TMEM79: variants seen among roughly 807,000 people sequenced by gnomAD.
TMEM79 encodes the protein mattrin.
TMEM79 carries 30 observed loss-of-function variants against 31.2 expected under a neutral mutation model. The observed-to-expected ratio is 0.96, with a 90% CI of 0.72 to 1.30. The LOEUF (loss-of-function observed/expected upper bound fraction) is 1.30. Ranked by LOEUF, TMEM79 falls within the 50% of genes most tolerant of loss-of-function variation. The pLI is 0.00. For synonymous variants in TMEM79, 213 were observed against 229.5 expected, an observed-to-expected ratio of 0.93 and a Z score of 0.65; for missense variants, 509 against 528.2, an observed-to-expected ratio of 0.96 and a Z score of 0.36.
At chr1:156,285,134 A>G in intron 1 of TMEM79, 50 bp from the exon 2 acceptor site, 5 of 1,460,228 alleles carry the variant, frequency 3.4e-6, no homozygotes, top group African/African-American at 2.8e-5. Context: ...ACCTGTCCTA[A>G]TAACTAGAAG....
chr1:156,286,007 G>T, intron 2 of TMEM79, 24 bp downstream of exon 2: 1 of 1,579,932 alleles, frequency 6.3e-7, no homozygotes, highest in African/African-American at 1.3e-5. Flanking sequence ...AAGAAAGGGG[G>T]CATCGGGAAG....
At chr1:156,291,172 TAAAG>T in intron 3 of TMEM79, 1 of 564,758 alleles carries the variant, frequency 1.8e-6, no homozygotes, top group African/African-American at 1.9e-5. Context: ...CTCAACTTCA[TAAAG>T]ATGTGGGGAA....
At chr1:156,290,107 C>A (rs1663274305) in intron 3 of TMEM79, 1 of 152,024 alleles carries the variant, frequency 6.6e-6, no homozygotes, top group African/African-American at 2.4e-5. Context: ...AATGAGAAAA[C>A]CATTTTTATA....
intron 3 of TMEM79, among the ~76,000 whole-genome samples, chr1:156,287,358 G>A (rs1663196724): frequency 6.6e-6 from 1 of 152,194 alleles, no homozygotes; most frequent in Non-Finnish European, 1.5e-5. Context: ...GGAGGTTGCA[G>A]TGAGCCAAGA....
chr1:156,289,602 ACT>A (rs1323313389), intron 3 of TMEM79, among the ~76,000 whole-genome samples: 5 of 152,136 alleles, frequency 3.3e-5, no homozygotes, highest in African/African-American at 1.2e-4. Flanking sequence ...ACAGAGCGAG[ACT>A]CTGTCTCAAA....
chr1:156,283,368 G>A (rs1049552479), upstream of TMEM79, among the ~76,000 whole-genome samples: 2 of 152,182 alleles, frequency 1.3e-5, no homozygotes, highest in African/African-American at 4.8e-5. Context: ...TTACGAGCCA[G>A]TAACATTTAT....
rs772401986 is a variant in TMEM79, at chr1:156,285,435, T to G, written c.209T>G (p.Val70Gly). 3 of 1,613,326 alleles carry G rather than the reference T, an allele frequency of 1.9e-6. No individual in the cohort carries two copies. Among genetic ancestry groups the G allele is most frequent in the Non-Finnish European group, 2.5e-6 (3 of 1,179,624 alleles). ...EGAEDGLDST[V>G]SEAATLPWGT... ...GCTGAGGATGGTCTAGACAGCACAG[T>G]AAGTGAGGCTGCCACCTTGCCCTGG... The change falls in exon 2 of 4, where the codon GTA becomes GGA. Residue 70 changes from valine (V) to glycine (G), a missense_variant. Coordinates refer to ENST00000405535, the MANE Select transcript of TMEM79 (RefSeq NM_032323.3).
rs1359117843 is a variant in TMEM79, at chr1:156,286,247, C to T, written c.758-13C>T. Reference sequence around the variant, plus strand: ...CCTTTTCTGACCCTACCCTGTTTCCCAACTCCACCCAGGGATCCTGGTGTA... The same window carrying T: ...CCTTTTCTGACCCTACCCTGTTTCCTAACTCCACCCAGGGATCCTGGTGTA... On this transcript the variant is annotated splice_polypyrimidine_tract_variant and intron_variant, in intron 2 of 3. Transcript: ENST00000405535. 26 of 1,613,258 alleles carry T rather than the reference C, an allele frequency of 1.6e-5. No homozygotes were observed. Among genetic ancestry groups the T allele is most frequent in the South Asian group, 4.4e-5 (4 of 91,042 alleles).
intron 2 of TMEM79, 99 bp downstream of exon 2, chr1:156,286,082 G>A: frequency 6.7e-7 from 1 of 1,497,014 alleles, no homozygotes; most frequent in East Asian, 2.3e-5. Flanking sequence ...CACTTGACCT[G>A]GGCCCCTCAG....
intron 3 of TMEM79, among the ~76,000 whole-genome samples, chr1:156,287,493 T>C (rs557356157): frequency 2.6e-4 from 39 of 152,104 alleles, no homozygotes; most frequent in Non-Finnish European, 4.6e-4. Context: ...TTGAGGGTAC[T>C]GTCCTTCTCT....
intron 3 of TMEM79, 180 bp from the exon 4 acceptor site, chr1:156,291,205 A>G (rs1663315506): frequency 3.4e-6 from 2 of 592,092 alleles, no homozygotes; most frequent in Non-Finnish European, 3.0e-6. Flanking sequence ...AATCACTTAT[A>G]GTAATTAGCG....
rs565822328 is a variant in TMEM79, at chr1:156,292,325, A to C, written c.*727A>C. 1 of 153,350 alleles carries C rather than the reference A, an allele frequency of 6.5e-6. No individual in the cohort carries two copies. The highest frequency in any genetic ancestry group is 1.4e-5 in the Non-Finnish European group (1 of 69,164). The allele number at this position is 153,350 out of a possible 1,614,324, so 9.5% of individuals were successfully genotyped here. Reference sequence around the variant, plus strand: ...GAGGGGTGTGTGTGTCTTTGTGCCCACACGTGGTGGCTGGGGAGTGCCTGG... The same window carrying C: ...GAGGGGTGTGTGTGTCTTTGTGCCCCCACGTGGTGGCTGGGGAGTGCCTGG... On this transcript the variant is annotated 3_prime_UTR_variant, in exon 4 of 4. Coordinates refer to ENST00000405535, the MANE Select transcript of TMEM79 (RefSeq NM_032323.3).
Position 156,291,605 on chromosome 1 carries a change from C to CCGCCCT in TMEM79, c.*16_*21dup, listed in dbSNP as rs776926682. 38 of 1,611,330 alleles carry CCGCCCT rather than the reference C, an allele frequency of 2.4e-5. 1 individual carries two copies. The highest frequency in any genetic ancestry group is 1.8e-4 in the South Asian group (16 of 91,032). The stretch of plus-strand genomic sequence containing the variant: ...GCCCCGCCCCTGGGGCTGAGCCTCT[C>CCGCCCT]CGCCCTCGCCCTCGGAGTAGGGGGT... On this transcript the variant is annotated 3_prime_UTR_variant, in exon 4 of 4. Coordinates refer to ENST00000405535, the MANE Select transcript of TMEM79 (RefSeq NM_032323.3).
At chr1:156,291,081 A>T in intron 3 of TMEM79, 1 of 343,194 alleles carries the variant, frequency 2.9e-6, no homozygotes, top group South Asian at 4.1e-5. Context: ...TTGAGCCCAG[A>T]CTGGCAACAT....
intron 2 of TMEM79, 47 bp downstream of exon 2, chr1:156,286,030 G>A (rs1663149927): frequency 1.3e-6 from 2 of 1,565,836 alleles, no homozygotes; most frequent in Admixed American, 1.8e-5. Flanking sequence ...GACTTGAGGA[G>A]GGCAGGGCCT....
At chr1:156,288,764 T>A (rs894402784) in intron 3 of TMEM79, among the ~76,000 whole-genome samples, 1 of 152,228 alleles carries the variant, frequency 6.6e-6, no homozygotes, top group Non-Finnish European at 1.5e-5. Context: ...CCCACCAGCC[T>A]CCTGACCATC....
In TMEM79 at chr1:156,285,878, G is replaced by T. The variant is rs201964963; in HGVS notation, c.652G>T (p.Ala218Ser). Reference protein sequence around the residue: ...LILFPCLLYGAYAFLPFDVPR... With the variant: ...LILFPCLLYGSYAFLPFDVPR... ...TCTCTTCCCTTGCCTACTATACGGGGCATATGCCTTCCTGCCGTTTGATGT... is the reference window on the plus strand; with the variant it reads ...TCTCTTCCCTTGCCTACTATACGGGTCATATGCCTTCCTGCCGTTTGATGT... Residue 218 changes from alanine (A) to serine (S), a missense_variant, in exon 2 of 4, where the codon GCA (alanine) becomes TCA (serine). Physicochemically the swap from Ala to Ser is moderately conservative, Grantham distance 99. Transcript: ENST00000405535. The T allele has an allele frequency of 3.2e-5, 51 of 1,613,758 alleles. No homozygotes were observed. The highest frequency in any genetic ancestry group is 4.2e-5 in the Non-Finnish European group (50 of 1,180,004).
Position 156,285,691 on chromosome 1 carries a change from G to A in TMEM79, c.465G>A (p.Glu155=). 2 of 1,613,606 alleles carry A rather than the reference G, an allele frequency of 1.2e-6. No homozygotes were observed. Among genetic ancestry groups the A allele is most frequent in the South Asian group, 1.1e-5 (1 of 91,088 alleles). ...TGCGCTGTGAGGCAGGCGAGGGCGA[G>A]TGCCGAACCTTCATGCCCCCCCGGG... The part of the protein sequence containing the change: ...LIVRCEAGEG[E]CRTFMPPRVT... The change falls in exon 2 of 4, where the codon GAG becomes GAA. Residue 155 remains glutamate, a synonymous_variant. Transcript: ENST00000405535.
Position 156,285,586 on chromosome 1 carries a change from G to A in TMEM79, c.360G>A (p.Leu120=), listed in dbSNP as rs759149567. The A allele has an allele frequency of 1.2e-6, 2 of 1,614,222 alleles. No homozygotes were observed. The highest frequency in any genetic ancestry group is 1.3e-5 in the African/African-American group (1 of 75,068). The change falls in exon 2 of 4, where the codon CTG becomes CTA. Residue 120 remains leucine (L), a synonymous_variant. Transcript: ENST00000405535. ...LEELPEDDAN[L]LPEKAARAFV... ...AGCTGCCCGAAGACGATGCCAACCT[G>A]CTGCCTGAGAAAGCGGCCCGTGCCT...
Sources: allele counts gnomAD v4.1 joint callset (sites outside exome capture counted in the v4.1 genomes callset), GRCh38; gene constraint gnomAD v4.1.1; transcripts MANE v1.5; gene names NCBI Gene and HGNC (gene_info 2026-07-23, HGNC 2026-07-21).